CFAP58: variants seen among roughly 807,000 people sequenced by gnomAD.
CFAP58 encodes the protein cilia- and flagella-associated protein 58.
In CFAP58, 88 loss-of-function variants were observed where a neutral mutation model predicts 119.5. That is an observed-to-expected ratio of 0.74 (90% confidence interval 0.62 to 0.88). The LOEUF (loss-of-function observed/expected upper bound fraction) is 0.88. Ranked by LOEUF, CFAP58 falls within the 40% of genes least tolerant of loss-of-function variation. CFAP58 has a pLI of 0.00. For missense variants in CFAP58, 990 were observed against 1,021.2 expected, an observed-to-expected ratio of 0.97 and a Z score of 0.42; for synonymous variants, 365 against 366.3, an observed-to-expected ratio of 1.00 and a Z score of 0.04.
chr10:104,392,639 CTTTT>C (rs35863751), intron 10 of CFAP58, among the ~76,000 whole-genome samples: 5 of 123,962 alleles, frequency 4.0e-5, no homozygotes, highest in Admixed American at 8.3e-5. Flanking sequence ...CGTCTTTCTA[CTTTT>C]TTTTTTTTTT....
chr10:104,432,771 G>T (rs1184049967), intron 15 of CFAP58, among the ~76,000 whole-genome samples: 2 of 152,176 alleles, frequency 1.3e-5, no homozygotes, highest in Non-Finnish European at 2.9e-5. Context: ...AAACTGTTGG[G>T]ATTACAGGCG....
rs41291850 is a variant in CFAP58, at chr10:104,403,775, C to T, written c.2086C>T (p.Arg696Cys). Reference protein sequence around the residue: ...MQRELLKERTRCRALEEELEN... With the variant: ...MQRELLKERTCCRALEEELEN... ...AAGAGAATTGTTGAAGGAGAGGACACGCTGCCGAGCCCTGGAGGAGGAGCT... is the reference window on the plus strand; with the variant it reads ...AAGAGAATTGTTGAAGGAGAGGACATGCTGCCGAGCCCTGGAGGAGGAGCT... Residue 696 changes from arginine to cysteine, a missense_variant, in exon 14 of 18, where the codon CGC (arginine) becomes TGC (cysteine). Coordinates refer to ENST00000369704, the MANE Select transcript of CFAP58 (RefSeq NM_001008723.2). 6.0e-3 allele frequency: 9,743 copies of T among 1,612,424 alleles called. 47 individuals are homozygous for T. Among genetic ancestry groups the T allele is most frequent in the Middle Eastern group, 0.022 (129 of 5,818 alleles).
chr10:104,402,655 C>A (rs959699984), intron 13 of CFAP58, among the ~76,000 whole-genome samples: 1 of 152,138 alleles, frequency 6.6e-6, no homozygotes. Flanking sequence ...AAGATTTTAG[C>A]GGTGTGTTTC....
chr10:104,434,553 T>C (rs2012899883), intron 15 of CFAP58, among the ~76,000 whole-genome samples: 2 of 152,220 alleles, frequency 1.3e-5, no homozygotes, highest in South Asian at 4.1e-4. Context: ...CCAACATTCA[T>C]GCAGCCTGGT....
At chr10:104,346,633 C>CTTTTTTTTTTTTTTTTT in the CFAP58 span, among the ~76,000 whole-genome samples, 30 of 101,120 alleles carry the variant, frequency 3.0e-4, 4 homozygotes, top group African/African-American at 6.5e-4. Flanking sequence ...GCCATTTAGT[C>CTTTTTTTTTTTTTTTTT]TTTTTTTTTT....
chr10:104,387,453 G>A (rs2011947006), intron 9 of CFAP58, among the ~76,000 whole-genome samples: 1 of 152,154 alleles, frequency 6.6e-6, no homozygotes, highest in African/African-American at 2.4e-5. Flanking sequence ...TGGCTATAGC[G>A]AGTCACATGG....
rs146139460 is a variant in CFAP58 at position 104,454,431 on chromosome 10, C to T, written c.2520C>T (p.Asp840=). 1.2e-6 allele frequency: 2 copies of T among 1,613,182 alleles called. No individual in the cohort carries two copies. The highest frequency in any genetic ancestry group is 1.7e-6 in the Non-Finnish European group (2 of 1,179,228). The change falls in exon 18 of 18, where the codon GAC becomes GAT. Residue 840 remains aspartate, a synonymous_variant. Transcript: ENST00000369704. ...ACCTCCTCTCTTACAGAAACAAGGA[C>T]ACAGCACCCATGGATAACACCTTCT... is the stretch of plus-strand genomic sequence containing the variant. ...KRKEQLQKNK[D]TAPMDNTFLM...
rs2133042672 is a variant in CFAP58, at chr10:104,400,564, G to A, written c.1816-116G>A. On this transcript the variant is annotated intron_variant, in intron 12 of 17. Coordinates refer to ENST00000369704, the MANE Select transcript of CFAP58 (RefSeq NM_001008723.2). Reference sequence around the variant, plus strand: ...CAGCTCTTTCCAGTGCCCAGCCCATGTGGTGCCCAGTACATGTGGGCGTTC... The same window carrying A: ...CAGCTCTTTCCAGTGCCCAGCCCATATGGTGCCCAGTACATGTGGGCGTTC... 3.7e-6 allele frequency: 3 copies of A among 812,264 alleles called. No individual in the cohort carries two copies. The East Asian group carries it at 7.4e-5, about 20-fold the overall frequency. The allele number at this position is 812,264 out of a possible 1,614,324, so 50.3% of individuals were successfully genotyped here.
chr10:104,382,933 A>G (rs2011845355), intron 9 of CFAP58, among the ~76,000 whole-genome samples: 1 of 152,236 alleles, frequency 6.6e-6, no homozygotes. Flanking sequence ...GCACATGGGA[A>G]TAAGGAGATG....
chr10:104,412,451 G>C (rs925805305), intron 15 of CFAP58, among the ~76,000 whole-genome samples: 1 of 152,052 alleles, frequency 6.6e-6, no homozygotes, highest in African/African-American at 2.4e-5. Flanking sequence ...TCCTGTGCCT[G>C]CTGTGATTTT....
At chr10:104,445,322 CA>C (rs762588303) in intron 15 of CFAP58, among the ~76,000 whole-genome samples, 298 of 110,356 alleles carry the variant, frequency 2.7e-3, no homozygotes, top group Non-Finnish European at 3.5e-3. Flanking sequence ...GACCCGGTCT[CA>C]AAAAAAAAAA....
At chr10:104,445,563 A>T (rs962303204) in intron 15 of CFAP58, among the ~76,000 whole-genome samples, 3 of 152,166 alleles carry the variant, frequency 2.0e-5, no homozygotes, top group Non-Finnish European at 4.4e-5. Context: ...TTTGAACCTG[A>T]TTCCACTTTC....
At chr10:104,443,745 G>T (rs1230927586) in intron 15 of CFAP58, among the ~76,000 whole-genome samples, 1 of 152,180 alleles carries the variant, frequency 6.6e-6, no homozygotes, top group Admixed American at 6.5e-5. Flanking sequence ...CCTCTGAATT[G>T]TACCTGGAGT....
Position 104,403,477 on chromosome 10 carries a change from C to T in CFAP58, c.2040-252C>T, listed in dbSNP as rs74154802. 8.9e-3 allele frequency among the ~76,000 whole-genome samples: 1,350 copies of T among 150,872 alleles called. 25 individuals are homozygous for T. The highest frequency in any genetic ancestry group is 0.031 in the African/African-American group (1,285 of 41,112). ...GTATACTTATAAATTTATTGAGTAT[C>T]CAGAACCATGACTCTGACTCTGAAG... On this transcript the variant is annotated intron_variant, in intron 13 of 17. Transcript: ENST00000369704.
intron 4 of CFAP58, 57 bp downstream of exon 4, chr10:104,364,946 CCA>C: frequency 6.4e-7 from 1 of 1,556,750 alleles, no homozygotes; most frequent in Non-Finnish European, 8.7e-7. Flanking sequence ...GTTTGTCCCT[CCA>C]CAGTCTCTAT....
intron 15 of CFAP58, among the ~76,000 whole-genome samples, chr10:104,439,827 A>AC (rs2013005511): frequency 6.7e-6 from 1 of 150,180 alleles, no homozygotes; most frequent in Non-Finnish European, 1.5e-5. Context: ...CTGATTTACT[A>AC]TTTTTTTTTT....
At chr10:104,421,001 C>T (rs372968893) in intron 15 of CFAP58, among the ~76,000 whole-genome samples, 16 of 152,272 alleles carry the variant, frequency 1.1e-4, no homozygotes, top group African/African-American at 3.8e-4. Flanking sequence ...GATCCACCAA[C>T]CTTGGCCTGC....
At chr10:104,405,304 A>G (rs1008784432) in intron 14 of CFAP58, among the ~76,000 whole-genome samples, 7 of 152,244 alleles carry the variant, frequency 4.6e-5, no homozygotes, top group African/African-American at 1.4e-4. Context: ...TCAAATGCCA[A>G]GAGTGGTGTA....
chr10:104,357,910 C>CACACATATATGT (rs1364744810), intron 1 of CFAP58, among the ~76,000 whole-genome samples: 1 of 100,730 alleles, frequency 9.9e-6, no homozygotes, highest in South Asian at 2.7e-4. Flanking sequence ...TACACATATA[C>CACACATATATGT]ACACATATAT....
Sources: allele counts gnomAD v4.1 joint callset (sites outside exome capture counted in the v4.1 genomes callset), GRCh38; gene constraint gnomAD v4.1.1; transcripts MANE v1.5; gene names NCBI Gene and HGNC (gene_info 2026-07-23, HGNC 2026-07-21).